The following LYSET variants were observed in gnomAD, a reference collection of about 807,000 sequenced individuals.
The protein encoded by LYSET is GNPTAB cleavage and activity factor.
the LYSET span, among the ~76,000 whole-genome samples, chr14:93,187,672 C>A: frequency 6.6e-6 from 1 of 152,092 alleles, no homozygotes; most frequent in East Asian, 1.9e-4. Flanking sequence ...TGCTTTGTCA[C>A]CCAGGATGGA....
the LYSET span, chr14:93,186,744 T>C: frequency 6.9e-7 from 1 of 1,451,474 alleles, no homozygotes; most frequent in Non-Finnish European, 9.2e-7. Context: ...AAGACTGCAG[T>C]TTCTTCACAG....
At chr14:93,186,212 G>C in the LYSET span, 1 of 1,531,636 alleles carries the variant, frequency 6.5e-7, no homozygotes, top group South Asian at 1.2e-5. Flanking sequence ...AGTAGTTGCC[G>C]TGACAGCATT....
chr14:93,186,412 C>A, the LYSET span: 80 of 1,614,054 alleles, frequency 5.0e-5, no homozygotes, highest in Non-Finnish European at 6.6e-5. Flanking sequence ...CAACAGCACC[C>A]TGAGGAGCCC....
chr14:93,186,246 T>G, the LYSET span: 10 of 1,592,074 alleles, frequency 6.3e-6, no homozygotes, highest in Non-Finnish European at 8.5e-6. Context: ...TGTATTTTCT[T>G]TTTTAATTTG....
the LYSET span, chr14:93,186,628 A>G: frequency 6.8e-6 from 11 of 1,613,772 alleles, no homozygotes; most frequent in African/African-American, 2.7e-5. Flanking sequence ...GCATTTGTCA[A>G]GGCTTCTAAT....
the LYSET span, chr14:93,185,003 C>G: frequency 6.3e-6 from 1 of 159,222 alleles, no homozygotes; most frequent in Admixed American, 6.6e-5. Context: ...TCCGGGACGG[C>G]GGGCGGGCTG....
the LYSET span, among the ~76,000 whole-genome samples, chr14:93,187,488 C>A: frequency 6.6e-6 from 1 of 151,882 alleles, no homozygotes; most frequent in Non-Finnish European, 1.5e-5. Context: ...GCCCTGAGAA[C>A]GTACGCTCCA....
chr14:93,186,360 G>C, the LYSET span: 1 of 1,614,200 alleles, frequency 6.2e-7, no homozygotes, highest in East Asian at 2.2e-5. Flanking sequence ...CTATGTTTTT[G>C]AAATCAGTGA....
At chr14:93,186,752 C>A in the LYSET span, 1 of 1,432,198 alleles carries the variant, frequency 7.0e-7, no homozygotes, top group Non-Finnish European at 9.4e-7. Flanking sequence ...AGTTTCTTCA[C>A]AGATCTCAGG....
the LYSET span, among the ~76,000 whole-genome samples, chr14:93,187,945 G>C: frequency 6.6e-6 from 1 of 151,958 alleles, no homozygotes; most frequent in Non-Finnish European, 1.5e-5. Flanking sequence ...GAGCCACCAT[G>C]CCTAGCTGTA....
chr14:93,187,283 T>G, the LYSET span, among the ~76,000 whole-genome samples: 2 of 152,170 alleles, frequency 1.3e-5, no homozygotes, highest in African/African-American at 4.8e-5. Flanking sequence ...AATGGTTTTA[T>G]TTTTTATATT....
At chr14:93,186,431 A>AACC in the LYSET span, 8 of 1,614,230 alleles carry the variant, frequency 5.0e-6, no homozygotes, top group Middle Eastern at 1.6e-4. Context: ...CCCTTGAAGG[A>AACC]ACCACATGGA....
At chr14:93,186,298 T>C in the LYSET span, 2 of 1,614,144 alleles carry the variant, frequency 1.2e-6, no homozygotes, top group Non-Finnish European at 1.7e-6. Context: ...CGTCAGCGGA[T>C]GGGATGGATT....
the LYSET span, chr14:93,185,441 C>T: frequency 1.2e-6 from 2 of 1,613,576 alleles, no homozygotes; most frequent in Non-Finnish European, 8.5e-7. Flanking sequence ...AGCTGAGTGA[C>T]TCTTTAACGC....
chr14:93,185,343 G>T, the LYSET span: 1 of 1,521,168 alleles, frequency 6.6e-7, no homozygotes, highest in South Asian at 1.1e-5. Context: ...CCAGGCTGGC[G>T]GCGCTCACCT....
the LYSET span, among the ~76,000 whole-genome samples, chr14:93,185,788 C>T: frequency 1.3e-5 from 2 of 150,830 alleles, no homozygotes; most frequent in Non-Finnish European, 2.9e-5. Flanking sequence ...ACAAAACAAC[C>T]TGTAAGTTTT....
At chr14:93,185,700 A>T in the LYSET span, among the ~76,000 whole-genome samples, 1 of 152,176 alleles carries the variant, frequency 6.6e-6, no homozygotes, top group Non-Finnish European at 1.5e-5. Context: ...CCCGTTAAAA[A>T]GCAGAACTCA....
At chr14:93,185,273 G>T in the LYSET span, 4 of 788,312 alleles carry the variant, frequency 5.1e-6, no homozygotes, top group Non-Finnish European at 7.8e-6. Context: ...CGGCGACGGG[G>T]GCCGGGCCGC....
chr14:93,186,139 G>T, the LYSET span: 3 of 927,546 alleles, frequency 3.2e-6, no homozygotes, highest in Non-Finnish European at 4.9e-6. Flanking sequence ...AAAGTGCTGG[G>T]ATTACAGGCG....
Sources: allele counts gnomAD v4.1 joint callset (sites outside exome capture counted in the v4.1 genomes callset), GRCh38; gene constraint gnomAD v4.1.1; transcripts MANE v1.5; gene names NCBI Gene and HGNC (gene_info 2026-07-23, HGNC 2026-07-21).